The following SNX13 variants were observed in gnomAD, a reference collection of about 807,000 sequenced individuals.
SNX13 encodes the protein sorting nexin 13.
In SNX13, 45 loss-of-function variants were observed where a neutral mutation model predicts 133.6. That is an observed-to-expected ratio of 0.34 (90% CI 0.27 to 0.43). The LOEUF (loss-of-function observed/expected upper bound fraction) is 0.43, where lower values mean the gene tolerates loss of function less well. Ranked by LOEUF, SNX13 falls within the 20% of genes least tolerant of loss-of-function variation. The probability of loss-of-function intolerance (pLI) is 1.00; values close to 1 mark genes in which losing one functional copy is unlikely to be tolerated. For synonymous variants in SNX13, 414 were observed against 373.9 expected (o/e 1.11, Z -1.24); for missense variants, 1,032 against 1,145.1 (o/e 0.90, Z 1.43).
At chr7:17,928,260 T>C (rs1360368525) in intron 1 of SNX13, among the ~76,000 whole-genome samples, 1 of 152,186 alleles carries the variant, frequency 6.6e-6, no homozygotes, top group Non-Finnish European at 1.5e-5. Flanking sequence ...CTACTCAGAC[T>C]GAGGCAGGAA....
At chr7:17,878,545 G>T (rs1794989648) in intron 5 of SNX13, among the ~76,000 whole-genome samples, 1 of 152,142 alleles carries the variant, frequency 6.6e-6, no homozygotes, top group Non-Finnish European at 1.5e-5. Flanking sequence ...CATAAATTTT[G>T]CATGCCTTCA....
At chr7:17,853,141 A>T (rs1309941851) in intron 9 of SNX13, among the ~76,000 whole-genome samples, 1 of 152,254 alleles carries the variant, frequency 6.6e-6, no homozygotes, top group Non-Finnish European at 1.5e-5. Context: ...GTGCTCATGA[A>T]TTTAAAATGA....
intron 25 of SNX13, chr7:17,796,496 G>A (rs1264232392): frequency 3.0e-5 from 6 of 199,136 alleles, no homozygotes; most frequent in Admixed American, 5.5e-5. Context: ...AGAGCGAAGT[G>A]GCTAAAAGCA....
At chr7:17,834,244 AAC>A in intron 14 of SNX13, 60 bp from the exon 15 acceptor site, 1 of 1,403,154 alleles carries the variant, frequency 7.1e-7, no homozygotes. Context: ...ATTTTTACAA[AAC>A]ACAATTTCAC....
intron 15 of SNX13, chr7:17,830,949 A>C: frequency 1.0e-6 from 1 of 984,420 alleles, no homozygotes; most frequent in Non-Finnish European, 1.2e-6. Context: ...GCTCAAGAAC[A>C]TTTCTTGGTT....
At chr7:17,886,366 G>A (rs371853078) in intron 5 of SNX13, among the ~76,000 whole-genome samples, 6 of 152,060 alleles carry the variant, frequency 3.9e-5, no homozygotes, top group African/African-American at 1.4e-4. Context: ...TCAGGAGTTC[G>A]AGGCCAGCCT....
chr7:17,892,211 A>G (rs956160171), intron 3 of SNX13, among the ~76,000 whole-genome samples: 18 of 152,146 alleles, frequency 1.2e-4, no homozygotes, highest in African/African-American at 4.1e-4. Flanking sequence ...ATAGATATCT[A>G]TATTAAAAAT....
At chr7:17,842,452 T>C (rs537470327) in intron 12 of SNX13, among the ~76,000 whole-genome samples, 44 of 152,142 alleles carry the variant, frequency 2.9e-4, no homozygotes, top group South Asian at 2.3e-3. Flanking sequence ...TTGCAAAATG[T>C]GCTGAAGGGT....
At chr7:17,834,001 A>AAT (rs1255069697) in intron 15 of SNX13, 51 bp downstream of exon 15, 3 of 1,278,804 alleles carry the variant, frequency 2.3e-6, no homozygotes, top group African/African-American at 1.5e-5. Flanking sequence ...TGGTAAGCAG[A>AAT]ATATATATAA....
intron 7 of SNX13, among the ~76,000 whole-genome samples, chr7:17,874,396 G>A (rs1325963887): frequency 1.3e-5 from 2 of 152,112 alleles, no homozygotes; most frequent in Non-Finnish European, 2.9e-5. Context: ...GTTAACAGTG[G>A]GCTGTTAGTA....
At chr7:17,879,107 T>C (rs1562831482) in intron 5 of SNX13, among the ~76,000 whole-genome samples, 1 of 152,258 alleles carries the variant, frequency 6.6e-6, no homozygotes, top group South Asian at 2.1e-4. Context: ...TTCCACTTTT[T>C]ATAGCTCTTA....
At chr7:17,919,506 C>T (rs1799900664) in intron 1 of SNX13, among the ~76,000 whole-genome samples, 2 of 152,142 alleles carry the variant, frequency 1.3e-5, no homozygotes, top group Non-Finnish European at 2.9e-5. Flanking sequence ...AATGATGTCA[C>T]CTACCATAGC....
In SNX13 at chr7:17,839,865, G is replaced by T. The variant is rs1283557105; in HGVS notation, c.1301C>A (p.Thr434Asn). The change falls in exon 13 of 26, where the codon ACC (threonine) becomes AAC (asparagine). Residue 434 changes from threonine to asparagine, a missense_variant. Coordinates refer to ENST00000428135, the MANE Select transcript of SNX13 (RefSeq NM_015132.5). Reference protein sequence around the residue: ...QRDGKHQTNQTKGLLRAAAVG... With the variant: ...QRDGKHQTNQNKGLLRAAAVG... ...AGCAGCTGCTCTTAAAAGACCTTTG[G>T]TTTGGTTGGTTTGATGTTTTCCATC... The T allele has an allele frequency of 6.2e-7, 1 of 1,611,616 alleles. No homozygotes were observed. Among genetic ancestry groups the T allele is most frequent in the Non-Finnish European group, 8.5e-7 (1 of 1,178,500 alleles).
chr7:17,899,446 A>T (rs1190127585), intron 1 of SNX13: 2 of 151,770 alleles, frequency 1.3e-5, no homozygotes, highest in Admixed American at 6.6e-5. Flanking sequence ...ATAACTCTTA[A>T]ATTTGCCCTT....
intron 9 of SNX13, among the ~76,000 whole-genome samples, chr7:17,853,050 T>G (rs1791429171): frequency 6.6e-6 from 1 of 152,082 alleles, no homozygotes; most frequent in Admixed American, 6.6e-5. Context: ...TATAAAAGAG[T>G]TGGTCAGAAG....
chr7:17,809,027 G>A (rs1182975193), intron 20 of SNX13, among the ~76,000 whole-genome samples: 2 of 152,090 alleles, frequency 1.3e-5, no homozygotes, highest in African/African-American at 2.4e-5. Flanking sequence ...GACCATCGAT[G>A]CTAGGAAGAA....
At chr7:17,920,546 A>G (rs1800014869) in intron 1 of SNX13, among the ~76,000 whole-genome samples, 1 of 152,192 alleles carries the variant, frequency 6.6e-6, no homozygotes, top group Non-Finnish European at 1.5e-5. Flanking sequence ...TTATATTTCA[A>G]AGTTTAACAG....
chr7:17,877,822 ATATCT>A (rs1225284749), intron 5 of SNX13, among the ~76,000 whole-genome samples: 1 of 152,002 alleles, frequency 6.6e-6, no homozygotes, highest in Non-Finnish European at 1.5e-5. Context: ...AACAGTACCG[ATATCT>A]TATCTCTTTC....
intron 8 of SNX13, among the ~76,000 whole-genome samples, chr7:17,872,371 C>T (rs1209405578): frequency 6.6e-6 from 1 of 152,124 alleles, no homozygotes; most frequent in African/African-American, 2.4e-5. Flanking sequence ...TTCCACGTAA[C>T]AGTAGCTGGC....
Sources: allele counts gnomAD v4.1 joint callset (sites outside exome capture counted in the v4.1 genomes callset), GRCh38; gene constraint gnomAD v4.1.1; transcripts MANE v1.5; gene names NCBI Gene and HGNC (gene_info 2026-07-23, HGNC 2026-07-21).